Variants in LTN1 observed in about 807,000 individuals in gnomAD.
The protein encoded by LTN1 is listerin E3 ubiquitin protein ligase 1, also known as E3 ubiquitin-protein ligase listerin.
Under a neutral mutation model 201.2 loss-of-function variants are expected in LTN1, and 88 were observed. The observed-to-expected ratio is 0.44, with a 90% confidence interval of 0.37 to 0.52. The LOEUF (loss-of-function observed/expected upper bound fraction) is 0.52, where lower values mean the gene tolerates loss of function less well. LTN1 is among the 20% of genes least tolerant of loss of function. LTN1 has a pLI of 0.00. For missense variants in LTN1, 1,752 were observed against 2,038.7 expected, an observed-to-expected ratio of 0.86 and a Z score of 2.71; for synonymous variants, 645 against 713.5, an observed-to-expected ratio of 0.90 and a Z score of 1.53.
intron 16 of LTN1, among the ~76,000 whole-genome samples, chr21:28,953,662 C>T (rs2084401934): frequency 6.6e-6 from 1 of 152,114 alleles, no homozygotes; most frequent in Admixed American, 6.6e-5. Context: ...AAGAATCTTC[C>T]TACCATTTTG....
rs190282138 is a variant in LTN1, at chr21:28,953,568, T to C, written c.3080-192A>G. Among the ~76,000 whole-genome samples the C allele has an allele frequency of 2.0e-4, 31 of 152,324 alleles. No individual in the cohort carries two copies. In the East Asian group the frequency reaches 2.5e-3, roughly 12 times the overall value. On this transcript the variant is annotated intron_variant, in intron 16 of 29. Coordinates refer to ENST00000361371, the MANE Select transcript of LTN1 (RefSeq NM_015565.3). ...CTGAGAATATATGTCTGATACAAAA[T>C]ACCACCCTTTTCCCAAATTCTACTT...
intron 18 of LTN1, among the ~76,000 whole-genome samples, chr21:28,949,245 GT>G (rs528463155): frequency 6.6e-6 from 1 of 152,048 alleles, no homozygotes; most frequent in Admixed American, 6.6e-5. Context: ...TATGTAGATA[GT>G]TTTTTGTTGA....
intron 9 of LTN1, among the ~76,000 whole-genome samples, chr21:28,969,040 G>A (rs1265227800): frequency 6.6e-6 from 1 of 151,836 alleles, no homozygotes; most frequent in African/African-American, 2.4e-5. Context: ...GGCCAACATG[G>A]TGAAACGCCG....
intron 16 of LTN1, among the ~76,000 whole-genome samples, chr21:28,955,181 G>T (rs533692069): frequency 4.7e-4 from 71 of 152,110 alleles, no homozygotes; most frequent in African/African-American, 1.7e-3. Flanking sequence ...AAAAAGGTAA[G>T]AAATAAGCTG....
chr21:28,957,651 G>T (rs748677349), intron 14 of LTN1, among the ~76,000 whole-genome samples, 175 bp from the exon 15 acceptor site: 1 of 151,996 alleles, frequency 6.6e-6, no homozygotes, highest in African/African-American at 2.4e-5. Flanking sequence ...GTCAAACTGG[G>T]GAGGTAATCC....
In LTN1 at chr21:28,992,851, A is replaced by C. The variant is rs903024330; in HGVS notation, c.-46T>G. 3.1e-6 allele frequency: 5 copies of C among 1,613,882 alleles called. No individual in the cohort carries two copies. The African/African-American group carries it at 6.7e-5, about 22-fold the overall frequency. ...TCTGAGCACTCAGACCCCGGTTGAC[A>C]CGTCCGGGACACAACTTCCGGCTTC... On this transcript the variant is annotated 5_prime_UTR_variant, in exon 1 of 30. Coordinates refer to ENST00000361371, the MANE Select transcript of LTN1 (RefSeq NM_015565.3).
chr21:28,940,582 A>G (rs1425255428), intron 25 of LTN1, among the ~76,000 whole-genome samples: 1 of 152,160 alleles, frequency 6.6e-6, no homozygotes, highest in Non-Finnish European at 1.5e-5. Context: ...AAAAAAAACA[A>G]AAAACACAAG....
At chr21:28,934,979 G>A (rs1568831198) in intron 27 of LTN1, 130 bp downstream of exon 27, 3 of 666,548 alleles carry the variant, frequency 4.5e-6, no homozygotes, top group Non-Finnish European at 7.8e-6. Flanking sequence ...ATTAAGGCAT[G>A]AGCCACGACT....
intron 11 of LTN1, among the ~76,000 whole-genome samples, chr21:28,963,338 T>C (rs2084495252): frequency 6.6e-6 from 1 of 152,238 alleles, no homozygotes; most frequent in South Asian, 2.1e-4. Context: ...TTGAAGCCAA[T>C]GCTCATTTCT....
In LTN1 at chr21:28,944,430, G is replaced by GA. The variant is rs1568836342; in HGVS notation, c.3934dup (p.Ser1312PhefsTer24). The GA allele has an allele frequency of 2.5e-6, 4 of 1,613,860 alleles. No homozygotes were observed. The highest frequency in any genetic ancestry group is 3.4e-6 in the Non-Finnish European group (4 of 1,179,892). ...TAAAAGCAAACTGTGGATGCCTTGG[G>GA]AAAAAAATTCTTTCCATTCACTGAT... On this transcript the variant is annotated frameshift_variant, in exon 22 of 30. Coordinates refer to ENST00000361371, the MANE Select transcript of LTN1 (RefSeq NM_015565.3). LOFTEE classifies it high-confidence loss of function.
chr21:28,941,543 G>C (rs2084297879), intron 24 of LTN1, 137 bp from the exon 25 acceptor site: 1 of 627,584 alleles, frequency 1.6e-6, no homozygotes, highest in African/African-American at 1.9e-5. Flanking sequence ...CCCCTCTATT[G>C]AGCCAATTTT....
intron 18 of LTN1, among the ~76,000 whole-genome samples, chr21:28,951,004 A>G (rs904631028): frequency 6.6e-6 from 1 of 152,138 alleles, no homozygotes; most frequent in Non-Finnish European, 1.5e-5. Context: ...TGAGCTACAC[A>G]GAACACACGC....
chr21:28,986,295 T>C lies in LTN1; in HGVS notation c.247-58A>G. On this transcript the variant is annotated intron_variant, in intron 2 of 29. Coordinates refer to ENST00000361371, the MANE Select transcript of LTN1 (RefSeq NM_015565.3). The surrounding 1 kb of genome is among the most constrained non-coding windows in gnomAD (Gnocchi z 4.1). The stretch of plus-strand genomic sequence containing the variant: ...ACAACCATAATAACTGGCTATAGAT[T>C]ATTCTGTTCTGGAAGCTTTGTCTAT... 1 of 1,006,612 alleles carries C rather than the reference T, an allele frequency of 9.9e-7. No individual in the cohort carries two copies. The highest frequency in any genetic ancestry group is 2.0e-5 in the Admixed American group (1 of 49,662). 62.4% of individuals were successfully genotyped at this position (1,006,612 alleles called of 1,614,324 possible).
chr21:28,988,461 T>C (rs1340390013), intron 1 of LTN1, among the ~76,000 whole-genome samples: 5 of 143,040 alleles, frequency 3.5e-5, no homozygotes, highest in Non-Finnish European at 6.0e-5. Context: ...AGCGAGGCTC[T>C]GTCTCAAAAA....
intron 1 of LTN1, among the ~76,000 whole-genome samples, chr21:28,990,300 C>T (rs892528142): frequency 6.6e-6 from 1 of 152,200 alleles, no homozygotes; most frequent in Non-Finnish European, 1.5e-5. Flanking sequence ...GAAGACTTTG[C>T]CACATTAAAG....
chr21:28,939,763 TCTG>T (rs913989423), intron 25 of LTN1, among the ~76,000 whole-genome samples: 22 of 152,230 alleles, frequency 1.4e-4, no homozygotes, highest in Non-Finnish European at 2.8e-4. Flanking sequence ...AATGCCTCAA[TCTG>T]CTGCTATTTT....
intron 12 of LTN1, 65 bp downstream of exon 12, chr21:28,960,452 G>A: frequency 1.6e-6 from 2 of 1,284,278 alleles, no homozygotes; most frequent in Non-Finnish European, 2.2e-6. Context: ...TGAGCCCCAT[G>A]CAATCCCCCA....
intron 16 of LTN1, among the ~76,000 whole-genome samples, chr21:28,956,366 C>T (rs1213327069): frequency 2.0e-5 from 3 of 152,178 alleles, no homozygotes. Flanking sequence ...ATCAAAATAT[C>T]ACATGTACCC....
chr21:28,954,903 A>T (rs1033526437), intron 16 of LTN1, among the ~76,000 whole-genome samples: 11 of 152,232 alleles, frequency 7.2e-5, no homozygotes, highest in African/African-American at 9.6e-5. Context: ...TAAGACTTCA[A>T]AAGCGAAGGC....
Sources: allele counts gnomAD v4.1 joint callset (sites outside exome capture counted in the v4.1 genomes callset), GRCh38; gene constraint gnomAD v4.1.1; non-coding constraint Gnocchi (gnomAD v3.1); transcripts MANE v1.5; gene names NCBI Gene and HGNC (gene_info 2026-07-23, HGNC 2026-07-21).